Variants in FGGY observed in about 807,000 individuals in gnomAD.
The protein encoded by FGGY is FGGY carbohydrate kinase domain containing, also known as FGGY carbohydrate kinase domain-containing protein.
In FGGY, 72 loss-of-function variants were observed where a neutral mutation model predicts 71.3. That is an observed-to-expected ratio of 1.01 (90% CI 0.84 to 1.23). The LOEUF (loss-of-function observed/expected upper bound fraction) is 1.23, where lower values mean the gene tolerates loss of function less well. Ranked by LOEUF, FGGY falls within the 50% of genes most tolerant of loss-of-function variation. The pLI, the probability that FGGY is intolerant of heterozygous loss-of-function variation, is 0.00. For missense variants in FGGY, 668 were observed against 682.3 expected (o/e 0.98, Z 0.23); for synonymous variants, 251 against 250.3 (o/e 1.00, Z -0.02).
chr1:59,593,234 G>C (rs1407279481), intron 8 of FGGY, among the ~76,000 whole-genome samples: 1 of 152,250 alleles, frequency 6.6e-6, no homozygotes, highest in Non-Finnish European at 1.5e-5. Flanking sequence ...GGGTTCCCCT[G>C]AATGCATCCT....
At chr1:59,365,375 T>C (rs1305093078) in intron 4 of FGGY, among the ~76,000 whole-genome samples, 2 of 152,070 alleles carry the variant, frequency 1.3e-5, no homozygotes, top group Admixed American at 6.6e-5. Flanking sequence ...CTGGTCCCAG[T>C]CTTTGACTTT....
At chr1:59,549,020 T>G (rs2095567825) in intron 7 of FGGY, among the ~76,000 whole-genome samples, 1 of 152,210 alleles carries the variant, frequency 6.6e-6, no homozygotes, top group Admixed American at 6.5e-5. Flanking sequence ...CTCAATATAT[T>G]GTGTTCTGTT....
intron 4 of FGGY, among the ~76,000 whole-genome samples, chr1:59,365,147 C>T (rs907752965): frequency 9.2e-5 from 14 of 152,108 alleles, no homozygotes; most frequent in East Asian, 5.8e-4. Flanking sequence ...CGTTATTCAG[C>T]GTGTAGTTGG....
intron 8 of FGGY, among the ~76,000 whole-genome samples, chr1:59,565,133 T>C (rs1218614859): frequency 2.0e-5 from 3 of 152,140 alleles, no homozygotes; most frequent in African/African-American, 7.2e-5. Context: ...TAACAGCTAA[T>C]ATTTATTATA....
intron 4 of FGGY, among the ~76,000 whole-genome samples, chr1:59,354,173 G>T (rs1165093532): frequency 6.6e-6 from 1 of 152,048 alleles, no homozygotes; most frequent in Non-Finnish European, 1.5e-5. Context: ...TGCCTCCCAG[G>T]CTTGAGCGGC....
intron 2 of FGGY, among the ~76,000 whole-genome samples, chr1:59,336,292 G>A (rs1464442030): frequency 6.6e-6 from 1 of 151,714 alleles, no homozygotes; most frequent in Admixed American, 6.6e-5. Flanking sequence ...GCCATAAATG[G>A]GTTTACTTCT....
intron 8 of FGGY, among the ~76,000 whole-genome samples, chr1:59,606,760 G>C (rs2096627486): frequency 6.6e-6 from 1 of 152,022 alleles, no homozygotes; most frequent in Non-Finnish European, 1.5e-5. Context: ...TTGGCCTTGG[G>C]GTATATATCT....
chr1:59,639,367 A>G (rs769682028), intron 11 of FGGY, among the ~76,000 whole-genome samples: 10 of 152,218 alleles, frequency 6.6e-5, no homozygotes, highest in Non-Finnish European at 1.3e-4. Flanking sequence ...ATCAACTTCT[A>G]TTACTAAAAG....
At chr1:59,404,173 T>C (rs1284661125) in intron 5 of FGGY, among the ~76,000 whole-genome samples, 1 of 151,820 alleles carries the variant, frequency 6.6e-6, no homozygotes, top group African/African-American at 2.4e-5. Flanking sequence ...AAATATACCT[T>C]TGGGAGGGGA....
chr1:59,442,503 A>G (rs756050835), intron 5 of FGGY, among the ~76,000 whole-genome samples: 1 of 152,054 alleles, frequency 6.6e-6, no homozygotes, highest in Non-Finnish European at 1.5e-5. Flanking sequence ...TAGAGACAGG[A>G]CATCTTGAAA....
At chr1:59,625,125 T>C (rs1040426681) in intron 9 of FGGY, among the ~76,000 whole-genome samples, 2 of 152,140 alleles carry the variant, frequency 1.3e-5, no homozygotes, top group African/African-American at 4.8e-5. Flanking sequence ...TGAAAATAAA[T>C]CTATCAGAAT....
Position 59,693,238 on chromosome 1 carries a change from A to G in FGGY, c.1512+19105A>G, listed in dbSNP as rs116546151. Among the ~76,000 whole-genome samples the G allele has an allele frequency of 1.9e-3, 292 of 152,380 alleles. 3 individuals are homozygous for G. The highest frequency in any genetic ancestry group is 2.8e-3 in the Non-Finnish European group (188 of 68,044). ...AAGAGTTTGCATTGGCATCAGACAG[A>G]TATGGCTGCTTACAGACTGCTTCAT... On this transcript the variant is annotated intron_variant, in intron 14 of 15. Coordinates refer to ENST00000303721, the MANE Select transcript of FGGY (RefSeq NM_018291.5).
chr1:59,446,407 C>T (rs1356255137), intron 5 of FGGY, among the ~76,000 whole-genome samples: 2 of 152,128 alleles, frequency 1.3e-5, no homozygotes, highest in Admixed American at 1.3e-4. Context: ...CCCTGTGTTG[C>T]ATCATTGCAT....
intron 5 of FGGY, among the ~76,000 whole-genome samples, chr1:59,413,201 G>A (rs1177814966): frequency 6.6e-6 from 1 of 152,190 alleles, no homozygotes; most frequent in Admixed American, 6.5e-5. Context: ...TTTGAGCACA[G>A]TATTCATTTA....
At chr1:59,349,857 C>T (rs1354109086) in intron 4 of FGGY, among the ~76,000 whole-genome samples, 2 of 152,120 alleles carry the variant, frequency 1.3e-5, no homozygotes, top group African/African-American at 4.8e-5. Context: ...ATCTTAGGTT[C>T]TGATTCAGTA....
At chr1:59,331,590 C>G (rs1209479312) in intron 2 of FGGY, among the ~76,000 whole-genome samples, 2 of 152,142 alleles carry the variant, frequency 1.3e-5, no homozygotes, top group African/African-American at 4.8e-5. Flanking sequence ...CCTTGCATTC[C>G]TAATCCCCCT....
intron 1 of FGGY, among the ~76,000 whole-genome samples, chr1:59,301,696 T>TGTG (rs2153078230): frequency 6.6e-6 from 1 of 150,420 alleles, no homozygotes; most frequent in South Asian, 2.1e-4. Context: ...CTATAACTGT[T>TGTG]GTGATCATTC....
intron 5 of FGGY, among the ~76,000 whole-genome samples, chr1:59,384,394 C>G (rs1283568980): frequency 6.6e-6 from 1 of 152,096 alleles, no homozygotes; most frequent in African/African-American, 2.4e-5. Flanking sequence ...CTCTTATTTA[C>G]TCAATATTTC....
chr1:59,405,782 A>G lies in FGGY; in HGVS notation c.554+26945A>G, dbSNP rs548658217. 3.3e-5 allele frequency among the ~76,000 whole-genome samples: 5 copies of G among 152,236 alleles called. No homozygotes were observed. The South Asian group carries it at 8.3e-4, about 25-fold the overall frequency. On this transcript the variant is annotated intron_variant, in intron 5 of 15. Transcript: ENST00000303721. ...TTGGTTGGCTAGAGGAGTGGTAGAA[A>G]TTTGGTGTGGGAAACACTTTGAGAC...
Sources: gnomAD v4.1 joint callset for allele counts (sites outside exome capture counted in the v4.1 genomes callset) on GRCh38, gnomAD v4.1.1 for gene constraint, MANE v1.5 for transcripts, NCBI Gene and HGNC (gene_info 2026-07-23, HGNC 2026-07-21) for gene names.